The following PDE3A variants were observed in gnomAD, a reference collection of about 807,000 sequenced individuals.
The protein encoded by PDE3A is cGMP-inhibited 3',5'-cyclic phosphodiesterase 3A.
A neutral mutation model predicts 98.3 loss-of-function variants in PDE3A; 43 were observed. The ratio of observed to expected loss-of-function variants is 0.44; its 90% CI spans 0.34 to 0.56. The LOEUF is 0.56. PDE3A is among the 20% of genes least tolerant of loss of function. The probability of loss-of-function intolerance (pLI) is 0.01; values close to 1 mark genes in which losing one functional copy is unlikely to be tolerated. For synonymous variants in PDE3A, 663 were observed against 567.9 expected (o/e 1.17, Z -2.38); for missense variants, 1,427 against 1,440.7 (o/e 0.99, Z 0.15).
chr12:20,425,802 C>T (rs761450700), intron 1 of PDE3A, among the ~76,000 whole-genome samples: 5 of 152,074 alleles, frequency 3.3e-5, no homozygotes, highest in East Asian at 1.9e-4. Context: ...TGTAGAGAAG[C>T]GGCAGAATAT....
intron 1 of PDE3A, among the ~76,000 whole-genome samples, chr12:20,400,219 A>C (rs2120655410): frequency 6.6e-6 from 1 of 152,132 alleles, no homozygotes; most frequent in Non-Finnish European, 1.5e-5. Flanking sequence ...TATTTTTAAA[A>C]GTACGGAGCT....
intron 2 of PDE3A, among the ~76,000 whole-genome samples, chr12:20,567,224 A>G (rs1421095589): frequency 6.6e-6 from 1 of 151,964 alleles, no homozygotes; most frequent in Non-Finnish European, 1.5e-5. Flanking sequence ...CTTACTTAAG[A>G]GTTTCATTTA....
chr12:20,628,759 C>T (rs779235495), intron 5 of PDE3A, among the ~76,000 whole-genome samples: 49 of 152,104 alleles, frequency 3.2e-4, no homozygotes, highest in Admixed American at 1.2e-3. Flanking sequence ...GAAATAACAG[C>T]GCCAACAAGA....
chr12:20,586,622 G>A (rs1005600934), intron 2 of PDE3A, among the ~76,000 whole-genome samples: 2 of 152,196 alleles, frequency 1.3e-5, no homozygotes, highest in Admixed American at 1.3e-4. Context: ...GAGGAACTCA[G>A]AGCTATGTGA....
chr12:20,676,145 A>C (rs1945632616), intron 15 of PDE3A, among the ~76,000 whole-genome samples: 1 of 149,870 alleles, frequency 6.7e-6, no homozygotes, highest in Admixed American at 6.7e-5. Flanking sequence ...TCATTTCCTT[A>C]TTTGTGTTTG....
At chr12:20,521,608 G>C (rs1220549807) in intron 1 of PDE3A, among the ~76,000 whole-genome samples, 2 of 152,096 alleles carry the variant, frequency 1.3e-5, no homozygotes, top group Non-Finnish European at 2.9e-5. Flanking sequence ...AAATTATTTA[G>C]AATCAAATGC....
chr12:20,646,570 G>T lies in PDE3A; in HGVS notation c.2332G>T (p.Val778Leu), dbSNP rs1471260598. Residue 778 changes from valine (V) to leucine (L), a missense_variant, in exon 11 of 16, where the codon GTG becomes TTG. This residue lies in a region of PDE3A where 273 missense variants were observed against 420.3 expected (regional missense o/e 0.65). Coordinates refer to ENST00000359062, the MANE Select transcript of PDE3A (RefSeq NM_000921.5). ...TTQPIPGLST[V>L]INDHGSTSDS... ...ACAGCCTATTCCAGGCCTCTCAACT[G>T]TGATTAATGATCATGGTTCAACCAG... The T allele has an allele frequency of 6.2e-7, 1 of 1,603,760 alleles. No homozygotes were observed. Among genetic ancestry groups the T allele is most frequent in the Non-Finnish European group, 8.5e-7 (1 of 1,170,762 alleles).
At chr12:20,417,782 A>G (rs1944446405) in intron 1 of PDE3A, among the ~76,000 whole-genome samples, 1 of 152,368 alleles carries the variant, frequency 6.6e-6, no homozygotes. Context: ...GTATTTGTTG[A>G]GTACTTACTG....
At chr12:20,431,409 G>T (rs1944694963) in intron 1 of PDE3A, among the ~76,000 whole-genome samples, 1 of 152,150 alleles carries the variant, frequency 6.6e-6, no homozygotes, top group Non-Finnish European at 1.5e-5. Flanking sequence ...TATACACGAT[G>T]TATATAATGT....
intron 15 of PDE3A, among the ~76,000 whole-genome samples, chr12:20,679,741 C>G (rs1412499918): frequency 1.3e-5 from 2 of 151,852 alleles, no homozygotes; most frequent in Non-Finnish European, 2.9e-5. Context: ...TAAGCAGAAT[C>G]TTGCACTGAA....
chr12:20,584,643 C>A (rs1308521641), intron 2 of PDE3A, among the ~76,000 whole-genome samples: 2 of 152,126 alleles, frequency 1.3e-5, no homozygotes, highest in South Asian at 4.1e-4. Flanking sequence ...TATTACATTA[C>A]AATCCTTAGG....
chr12:20,527,397 T>C (rs965602839), intron 1 of PDE3A, among the ~76,000 whole-genome samples: 4 of 152,196 alleles, frequency 2.6e-5, no homozygotes, highest in African/African-American at 9.7e-5. Context: ...TAGTTGCCCC[T>C]TTTCCTTTCT....
chr12:20,607,436 CAAAAAAAAA>C (rs765702703), intron 2 of PDE3A, among the ~76,000 whole-genome samples: 2 of 61,464 alleles, frequency 3.3e-5, no homozygotes, highest in Admixed American at 3.5e-4. Flanking sequence ...GACTCCGTCT[CAAAAAAAAA>C]AAAAAAGAAA....
intron 1 of PDE3A, among the ~76,000 whole-genome samples, chr12:20,407,766 T>C (rs915871206): frequency 6.6e-6 from 1 of 152,164 alleles, no homozygotes; most frequent in Non-Finnish European, 1.5e-5. Context: ...CTTTCATATG[T>C]TTTTCATAGT....
chr12:20,609,966 G>A (rs1332094848), intron 2 of PDE3A, among the ~76,000 whole-genome samples: 1 of 151,896 alleles, frequency 6.6e-6, no homozygotes, highest in Non-Finnish European at 1.5e-5. Flanking sequence ...ATGGGGGAAA[G>A]CTCTCGGACA....
At chr12:20,475,718 T>TAC (rs79608583) in intron 1 of PDE3A, among the ~76,000 whole-genome samples, 40,402 of 150,664 alleles carry the variant, frequency 0.27, 6,899 homozygotes, top group East Asian at 0.65. Flanking sequence ...TGACACACCA[T>TAC]ACACACACAC....
chr12:20,506,733 T>C (rs1348239956), intron 1 of PDE3A, among the ~76,000 whole-genome samples: 1 of 152,040 alleles, frequency 6.6e-6, no homozygotes, highest in African/African-American at 2.4e-5. Context: ...AGAAGTAACA[T>C]GAAACTTCTA....
At chr12:20,450,044 A>T in intron 1 of PDE3A, 2 of 630,668 alleles carry the variant, frequency 3.2e-6, no homozygotes, top group Non-Finnish European at 5.9e-6. Context: ...TTCATTCCAC[A>T]ATTGCATATT....
chr12:20,664,054 GT>G (rs1383203610), intron 15 of PDE3A, among the ~76,000 whole-genome samples: 1 of 152,060 alleles, frequency 6.6e-6, no homozygotes, highest in Non-Finnish European at 1.5e-5. Flanking sequence ...TAATGGTTTT[GT>G]AAGGGACTTT....
Sources: gnomAD v4.1 joint callset for allele counts (sites outside exome capture counted in the v4.1 genomes callset) on GRCh38, gnomAD v4.1.1 for gene constraint, gnomAD v4.1.1 regional missense constraint, MANE v1.5 for transcripts, NCBI Gene and HGNC (gene_info 2026-07-23, HGNC 2026-07-21) for gene names.